Variants in CKAP5 observed in about 807,000 individuals in gnomAD.
CKAP5 encodes the protein cytoskeleton-associated protein 5.
Under a neutral mutation model 232.8 loss-of-function variants are expected in CKAP5, and 27 were observed. The observed-to-expected ratio is 0.12, with a 90% CI of 0.09 to 0.16. The LOEUF is 0.16. Ranked by LOEUF, CKAP5 falls within the 10% of genes least tolerant of loss-of-function variation. CKAP5 has a pLI of 1.00. For synonymous variants in CKAP5, 785 were observed against 841.1 expected, an observed-to-expected ratio of 0.93 and a Z score of 1.16; for missense variants, 1,838 against 2,424.7, an observed-to-expected ratio of 0.76 and a Z score of 5.08.
chr11:46,762,316 G>A lies in CKAP5; in HGVS notation c.4028-123C>T, dbSNP rs1369523775. On this transcript the variant is annotated intron_variant, in intron 31 of 43. Coordinates refer to ENST00000529230, the MANE Select transcript of CKAP5 (RefSeq NM_001008938.4). Reference sequence around the variant, plus strand: ...AAAACCTTACTCTGGCTCTGCCTAGGATTTTTTGTTTACTGCCTTTTATCA... The same window carrying A: ...AAAACCTTACTCTGGCTCTGCCTAGAATTTTTTGTTTACTGCCTTTTATCA... 11 of 1,098,864 alleles carry A rather than the reference G, an allele frequency of 1.0e-5. No homozygotes were observed. In the Admixed American group the frequency reaches 1.9e-4, roughly 19 times the overall value. The allele number at this position is 1,098,864 out of a possible 1,614,324, so 68.1% of individuals were successfully genotyped here. A position where few individuals can be genotyped will look rare whatever the true frequency, so the allele number is the denominator to read the frequency against.
rs924761469 is a variant in CKAP5 at position 46,809,296 on chromosome 11, G to C, written c.864+104C>G. ...AACTCACTCTACTAGGGAAGATATG[G>C]GATGGAAGGGGGTGCATCAGGCAAG... is the stretch of plus-strand genomic sequence containing the variant. On this transcript the variant is annotated intron_variant, in intron 7 of 43. Transcript: ENST00000529230. 4.3e-6 allele frequency: 3 copies of C among 701,474 alleles called. No individual in the cohort carries two copies. In the South Asian group the frequency reaches 5.6e-5, roughly 13 times the overall value. The allele number at this position is 701,474 out of a possible 1,614,324, so 43.5% of individuals were successfully genotyped here.
At chr11:46,750,831 A>T (rs1174568171) in intron 40 of CKAP5, among the ~76,000 whole-genome samples, 1 of 152,214 alleles carries the variant, frequency 6.6e-6, no homozygotes, top group Admixed American at 6.5e-5. Context: ...CTTGATGGAG[A>T]AGGAACTGAC....
chr11:46,778,625 T>C, intron 20 of CKAP5, 26 bp from the exon 21 acceptor site: 1 of 1,604,578 alleles, frequency 6.2e-7, no homozygotes, highest in Non-Finnish European at 8.5e-7. Flanking sequence ...TGAGTAAGGC[T>C]AATGAAATTT....
Position 46,822,414 on chromosome 11 carries a change from G to A in CKAP5, c.-37-1146C>T, listed in dbSNP as rs1245599799. Among the ~76,000 whole-genome samples, 3 of 152,100 alleles carry A rather than the reference G, an allele frequency of 2.0e-5. No homozygotes were observed. The East Asian group carries it at 5.8e-4, about 29-fold the overall frequency. On this transcript the variant is annotated intron_variant, in intron 1 of 43. Transcript: ENST00000529230. ...GGCCTTTTAAAAGGCCAAGAAAAAA[G>A]TTTTGGAAAAAGTCATACTTTCACC...
rs776492537 is a variant in CKAP5 at position 46,770,088 on chromosome 11, T to G, written c.3197A>C (p.Lys1066Thr). The G allele has an allele frequency of 6.2e-7, 1 of 1,614,026 alleles. No individual in the cohort carries two copies. Among genetic ancestry groups the G allele is most frequent in the Non-Finnish European group, 8.5e-7 (1 of 1,179,936 alleles). Residue 1066 changes from lysine to threonine, a missense_variant, in exon 26 of 44, where the codon AAA (lysine) becomes ACA (threonine). Physicochemically the swap from Lys to Thr is moderately conservative, Grantham distance 78. This residue lies in a region of CKAP5 where 767 missense variants were observed against 954.6 expected (regional missense o/e 0.80). Transcript: ENST00000529230. ...KATGKLKPTS[K>T]DQVLAMLEKA... is the part of the protein sequence containing the mutation. ...CTCTAGCATGGCCAATACCTGATCT[T>G]TAGAAGTTGGCTAGAGAGACAAAAT...
At chr11:46,772,247 G>C (rs1476352806) in intron 24 of CKAP5, among the ~76,000 whole-genome samples, 1 of 151,804 alleles carries the variant, frequency 6.6e-6, no homozygotes, top group African/African-American at 2.4e-5. Flanking sequence ...CTTTTCTGTT[G>C]TTCTGTAGCT....
chr11:46,809,615 T>C, intron 6 of CKAP5, 115 bp from the exon 7 acceptor site: 1 of 1,347,692 alleles, frequency 7.4e-7, no homozygotes, highest in Non-Finnish European at 1.1e-6. Flanking sequence ...CCAGAGTTAT[T>C]AAAGCTACAT....
At chr11:46,778,055 T>C (rs2065305805) in intron 22 of CKAP5, 84 bp downstream of exon 22, 2 of 1,102,502 alleles carry the variant, frequency 1.8e-6, no homozygotes, top group South Asian at 1.7e-5. Flanking sequence ...CACTTATTTT[T>C]TGCAAGTGAA....
Position 46,784,575 on chromosome 11 carries a change from C to A in CKAP5, c.2067G>T (p.Lys689Asn). 6.2e-7 allele frequency: 1 copy of A among 1,614,104 alleles called. No individual in the cohort carries two copies. Among genetic ancestry groups the A allele is most frequent in the South Asian group, 1.1e-5 (1 of 91,086 alleles). ...AQVVLDGLVDKIGDVKCGNNA... is the reference protein window; with the variant it reads ...AQVVLDGLVDNIGDVKCGNNA... Reference sequence around the variant, plus strand: ...TGTTCCCACATTTCACATCTCCAATCTTGTCCACAAGGCCATCTAATACAA... The same window carrying A: ...TGTTCCCACATTTCACATCTCCAATATTGTCCACAAGGCCATCTAATACAA... The change falls in exon 17 of 44, where the codon AAG (lysine) becomes AAT (asparagine). Residue 689 changes from lysine (K) to asparagine (N), a missense_variant. Lys to Asn is a moderately conservative substitution (Grantham distance 94, BLOSUM62 0). Coordinates refer to ENST00000529230, the MANE Select transcript of CKAP5 (RefSeq NM_001008938.4).
chr11:46,783,298 G>A lies in CKAP5; in HGVS notation c.2225C>T (p.Ala742Val), dbSNP rs753678622. 1 of 1,609,902 alleles carries A rather than the reference G, an allele frequency of 6.2e-7. No homozygotes were observed. The highest frequency in any genetic ancestry group is 8.5e-7 in the Non-Finnish European group (1 of 1,177,378). ...CCCAGAAAAACCAAATTCTTTTATG[G>A]CATTTGATAGCCAATTCAGAGTTTC... ...QSETLNWLSN[A>V]IKEFGFSGLN... The change falls in exon 18 of 44, where the codon GCC becomes GTC. Residue 742 changes from alanine (A) to valine (V), a missense_variant. Coordinates refer to ENST00000529230, the MANE Select transcript of CKAP5 (RefSeq NM_001008938.4).
intron 16 of CKAP5, among the ~76,000 whole-genome samples, chr11:46,787,179 A>C (rs1049126507): frequency 2.0e-5 from 3 of 152,160 alleles, no homozygotes; most frequent in Admixed American, 2.0e-4. Context: ...AGGTGGTGTG[A>C]GAGGAAGAGG....
intron 1 of CKAP5, among the ~76,000 whole-genome samples, chr11:46,830,327 G>C (rs1939757527): frequency 6.7e-6 from 1 of 150,310 alleles, no homozygotes; most frequent in Non-Finnish European, 1.5e-5. Context: ...TGTAGTCCCA[G>C]CTACTCGGGA....
rs140123134 is a variant in CKAP5, at chr11:46,779,623, C to CT, written c.2433+570dup. ...TTTGACCTGCTCTGTTTCTTTCTTT[C>CT]TTTTTTTTTCTTTTGAGAAAAGGTC... On this transcript the variant is annotated intron_variant, in intron 20 of 43. Coordinates refer to ENST00000529230, the MANE Select transcript of CKAP5 (RefSeq NM_001008938.4). 4.0e-3 allele frequency among the ~76,000 whole-genome samples: 601 copies of CT among 151,000 alleles called. 3 individuals are homozygous for CT. The highest frequency in any genetic ancestry group is 0.014 in the African/African-American group (562 of 41,118).
At position 46,759,419 on chromosome 11, in the gene CKAP5, T is replaced by C. The variant is rs1182184453; in HGVS notation, c.4418A>G (p.His1473Arg). 6 of 1,613,724 alleles carry C rather than the reference T, an allele frequency of 3.7e-6. No individual in the cohort carries two copies. The highest frequency in any genetic ancestry group is 4.2e-6 in the Non-Finnish European group (5 of 1,179,894). Residue 1473 changes from histidine to arginine, a missense_variant, in exon 34 of 44, where the codon CAT becomes CGT. Transcript: ENST00000529230. ...KLNQARSMSG[H>R]PEAAQMVRRE... Reference sequence around the variant, plus strand: ...GCGGACCATCTGGGCTGCCTCAGGATGCCCACTCATGCTTCGGGCTTGGCT... The same window carrying C: ...GCGGACCATCTGGGCTGCCTCAGGACGCCCACTCATGCTTCGGGCTTGGCT...
At chr11:46,792,250 A>G (rs1042015343) in intron 13 of CKAP5, among the ~76,000 whole-genome samples, 2 of 152,116 alleles carry the variant, frequency 1.3e-5, no homozygotes, top group African/African-American at 4.8e-5. Context: ...ATTTTTATTT[A>G]TTAATTGACA....
intron 24 of CKAP5, among the ~76,000 whole-genome samples, chr11:46,776,012 T>C (rs1401179984): frequency 6.6e-6 from 1 of 151,928 alleles, no homozygotes; most frequent in Non-Finnish European, 1.5e-5. Flanking sequence ...ATTTAAATGT[T>C]TAAGAAAAGG....
rs545949211 is a variant in CKAP5, at chr11:46,772,466, G to A, written c.2992-1484C>T. ...AATTTAAGTCCATAATCTGTTTTGA[G>A]ACAGTGAGGTTTAGGGTGAGGTTCA... On this transcript the variant is annotated intron_variant, in intron 24 of 43. Coordinates refer to ENST00000529230, the MANE Select transcript of CKAP5 (RefSeq NM_001008938.4). Among the ~76,000 whole-genome samples, 19 of 152,244 alleles carry A rather than the reference G, an allele frequency of 1.2e-4. 1 individual carries two copies. The South Asian group carries it at 3.9e-3, about 32-fold the overall frequency.
intron 1 of CKAP5, among the ~76,000 whole-genome samples, chr11:46,839,279 G>T (rs1939994644): frequency 6.6e-6 from 1 of 152,170 alleles, no homozygotes; most frequent in African/African-American, 2.4e-5. Context: ...AGTGAAGTGA[G>T]AAGTTCCAGA....
chr11:46,802,395 T>C (rs72895830), intron 8 of CKAP5: 11,254 of 152,168 alleles, frequency 0.074, 627 homozygotes, highest in Middle Eastern at 0.13. Flanking sequence ...TATTATATAA[T>C]AATACAGGCA....
Sources: gnomAD v4.1 joint callset for allele counts (sites outside exome capture counted in the v4.1 genomes callset) on GRCh38, gnomAD v4.1.1 for gene constraint, gnomAD v4.1.1 regional missense constraint, MANE v1.5 for transcripts, NCBI Gene and HGNC (gene_info 2026-07-23, HGNC 2026-07-21) for gene names.